MYO6: variants seen among roughly 807,000 people sequenced by gnomAD.
MYO6 encodes myosin VI, also known as unconventional myosin-VI.
A neutral mutation model predicts 178.7 loss-of-function variants in MYO6; 74 were observed. That is an observed-to-expected ratio of 0.41 (90% CI 0.34 to 0.50). The LOEUF (loss-of-function observed/expected upper bound fraction) is 0.50, where lower values mean the gene tolerates loss of function less well. MYO6 is among the 20% of genes least tolerant of loss of function. The pLI, the probability that MYO6 is intolerant of heterozygous loss-of-function variation, is 0.09. For synonymous variants in MYO6, 477 were observed against 504.6 expected, an observed-to-expected ratio of 0.95 and a Z score of 0.73; for missense variants, 1,330 against 1,547.4, an observed-to-expected ratio of 0.86 and a Z score of 2.36.
intron 27 of MYO6, among the ~76,000 whole-genome samples, chr6:75,892,248 CAT>C (rs1387821926): frequency 1.3e-5 from 2 of 152,160 alleles, no homozygotes; most frequent in Admixed American, 1.3e-4. Context: ...CTAAGATACT[CAT>C]GTGATGTTTG....
intron 1 of MYO6, among the ~76,000 whole-genome samples, chr6:75,808,586 G>A (rs1770341737): frequency 6.6e-6 from 1 of 152,194 alleles, no homozygotes; most frequent in African/African-American, 2.4e-5. Flanking sequence ...ATTGCAGTAG[G>A]TGGGAGAGAT....
At chr6:75,821,595 G>A (rs3798448) in intron 2 of MYO6, among the ~76,000 whole-genome samples, 57,043 of 151,544 alleles carry the variant, frequency 0.38, 11,377 homozygotes, top group East Asian at 0.54. Flanking sequence ...TCCCAGCAGC[G>A]TGGATTTTAC....
rs189670380 is a variant in MYO6 at position 75,882,663 on chromosome 6, G to A, written c.2416+845G>A. On this transcript the variant is annotated intron_variant, in intron 23 of 34. Coordinates refer to ENST00000369977, the MANE Select transcript of MYO6 (RefSeq NM_004999.4). ...ATTTTAAAAAGGGGATTTGAGAAAC[G>A]TATAAAAACATGACAGAACTCTTCA... Among the ~76,000 whole-genome samples, 828 of 152,068 alleles carry A rather than the reference G, an allele frequency of 5.4e-3. 6 individuals are homozygous for A. The highest frequency in any genetic ancestry group is 7.5e-3 in the Non-Finnish European group (509 of 67,972).
chr6:75,837,201 C>G, intron 7 of MYO6, among the ~76,000 whole-genome samples: 1 of 152,122 alleles, frequency 6.6e-6, no homozygotes, highest in Admixed American at 6.5e-5. Flanking sequence ...TAGGCATTAT[C>G]TCATTTGTTT....
intron 30 of MYO6, among the ~76,000 whole-genome samples, chr6:75,901,513 T>C (rs1188929706): frequency 1.3e-5 from 2 of 152,206 alleles, no homozygotes; most frequent in East Asian, 3.8e-4. Context: ...ACTCGTGATT[T>C]GGCTCTCTGT....
intron 7 of MYO6, among the ~76,000 whole-genome samples, chr6:75,838,147 A>G (rs1336170104): frequency 6.6e-6 from 1 of 150,550 alleles, no homozygotes; most frequent in Non-Finnish European, 1.5e-5. Context: ...CTGTCTCCCG[A>G]GTTCAAGTGA....
chr6:75,804,419 A>G (rs945079578), intron 1 of MYO6, among the ~76,000 whole-genome samples: 31 of 152,132 alleles, frequency 2.0e-4, no homozygotes, highest in African/African-American at 7.5e-4. Flanking sequence ...TGCACATAAC[A>G]TTGTTTTGAG....
At chr6:75,857,004 GTTC>G (rs1384319959) in intron 12 of MYO6, 90 bp from the exon 13 acceptor site, 8 of 1,183,488 alleles carry the variant, frequency 6.8e-6, no homozygotes, top group Non-Finnish European at 9.8e-6. Context: ...TCTTTATTTT[GTTC>G]TTCTCTGTGT....
At chr6:75,752,668 A>T (rs1777003076) in intron 1 of MYO6, among the ~76,000 whole-genome samples, 2 of 152,238 alleles carry the variant, frequency 1.3e-5, no homozygotes, top group Non-Finnish European at 2.9e-5. Flanking sequence ...AGTAGATATG[A>T]TAGGCCGTGA....
intron 14 of MYO6, among the ~76,000 whole-genome samples, chr6:75,860,524 A>C (rs1165586889): frequency 6.6e-6 from 1 of 152,230 alleles, no homozygotes; most frequent in Non-Finnish European, 1.5e-5. Context: ...AATAAATGTG[A>C]ATTTCAAATT....
At chr6:75,866,199 A>AT (rs1284386980) in intron 16 of MYO6, among the ~76,000 whole-genome samples, 1 of 151,138 alleles carries the variant, frequency 6.6e-6, no homozygotes, top group Non-Finnish European at 1.5e-5. Flanking sequence ...TTAAAAAAAA[A>AT]TTTTTTTATT....
intron 1 of MYO6, among the ~76,000 whole-genome samples, chr6:75,801,092 G>T (rs140552981): frequency 6.6e-6 from 1 of 152,152 alleles, no homozygotes; most frequent in African/African-American, 2.4e-5. Context: ...GTTTAAAGCC[G>T]TAAGACTAGA....
In MYO6 at chr6:75,845,042, A is replaced by G. The variant is rs1045558955; in HGVS notation, c.897+65A>G. On this transcript the variant is annotated intron_variant, in intron 10 of 34. Coordinates refer to ENST00000369977, the MANE Select transcript of MYO6 (RefSeq NM_004999.4). ...AAAAACTCATGCTGAAAGATGTGTTATAATTTTTATTTTAGAGCCCAAGTA... is the reference window on the plus strand; with the variant it reads ...AAAAACTCATGCTGAAAGATGTGTTGTAATTTTTATTTTAGAGCCCAAGTA... 9.0e-6 allele frequency: 12 copies of G among 1,332,854 alleles called. 1 individual carries two copies. Among genetic ancestry groups the G allele is most frequent in the Admixed American group, 5.3e-5 (3 of 57,066 alleles). 82.6% of individuals were successfully genotyped at this position (1,332,854 alleles called of 1,614,324 possible). A position where few individuals can be genotyped will look rare whatever the true frequency, so the allele number is the denominator to read the frequency against.
At chr6:75,805,125 A>AGTGATTCTCGTGCCTC (rs1007845216) in intron 1 of MYO6, among the ~76,000 whole-genome samples, 3 of 147,476 alleles carry the variant, frequency 2.0e-5, no homozygotes, top group African/African-American at 7.6e-5. Flanking sequence ...CGTTGGTTCA[A>AGTGATTCTCGTGCCTC]GTGATTCTCG....
chr6:75,858,392 G>A (rs1195143519), intron 13 of MYO6, among the ~76,000 whole-genome samples: 1 of 152,178 alleles, frequency 6.6e-6, no homozygotes, highest in Non-Finnish European at 1.5e-5. Flanking sequence ...GATCACTTGA[G>A]GCCAGGAGTT....
In MYO6 at chr6:75,899,708, T is replaced by C. The variant is rs569910920; in HGVS notation, c.3176+1297T>C. 3.2e-3 allele frequency among the ~76,000 whole-genome samples: 489 copies of C among 151,882 alleles called. 5 individuals carry two copies. Among genetic ancestry groups the C allele is most frequent in the Non-Finnish European group, 4.3e-3 (293 of 67,964 alleles). On this transcript the variant is annotated intron_variant, in intron 30 of 34. Coordinates refer to ENST00000369977, the MANE Select transcript of MYO6 (RefSeq NM_004999.4). ...CTAATGGCCACACATTATTCTTTTT[T>C]TTTTTTTTTCTTCTGGAACATTTTT...
chr6:75,762,272 C>T (rs559776469), intron 1 of MYO6, among the ~76,000 whole-genome samples: 7 of 152,156 alleles, frequency 4.6e-5, no homozygotes, highest in Admixed American at 1.3e-4. Context: ...AATTATATGC[C>T]GTCACTTTGA....
intron 2 of MYO6, among the ~76,000 whole-genome samples, chr6:75,821,342 A>G (rs926617762): frequency 2.6e-5 from 4 of 152,306 alleles, no homozygotes; most frequent in South Asian, 2.1e-4. Flanking sequence ...CATATATGAC[A>G]TTAGCAGTTA....
intron 22 of MYO6, 88 bp downstream of exon 22, chr6:75,880,208 T>TACAA: frequency 1.0e-6 from 1 of 1,001,760 alleles, no homozygotes; most frequent in Non-Finnish European, 1.5e-6. Context: ...TAATAATTTG[T>TACAA]ATTATTCTTG....
Sources: allele counts gnomAD v4.1 joint callset (sites outside exome capture counted in the v4.1 genomes callset), GRCh38; gene constraint gnomAD v4.1.1; transcripts MANE v1.5; gene names NCBI Gene and HGNC (gene_info 2026-07-23, HGNC 2026-07-21).